The following SAMMSON variants were observed in gnomAD, a reference collection of about 807,000 sequenced individuals.
SAMMSON encodes the protein long intergenic non-protein coding RNA 1212.
At chr3:70,341,429 G>A (rs910568324) in intron 7 of SAMMSON, among the ~76,000 whole-genome samples, 8 of 152,140 alleles carry the variant, frequency 5.3e-5, no homozygotes. Flanking sequence ...CATAGTCTCA[G>A]TAAGCACAGG....
chr3:70,421,507 A>G (rs2106774588), intron 2 of SAMMSON, among the ~76,000 whole-genome samples: 1 of 152,268 alleles, frequency 6.6e-6, no homozygotes, highest in African/African-American at 2.4e-5. Flanking sequence ...TACAAATAAA[A>G]TCTAATCAGG....
chr3:70,262,303 G>A (rs757288685), intron 6 of SAMMSON, among the ~76,000 whole-genome samples: 8 of 152,096 alleles, frequency 5.3e-5, no homozygotes, highest in Non-Finnish European at 1.0e-4. Context: ...AGTTTCCAAG[G>A]AGCCAACGCA....
chr3:70,011,775 C>G (rs1438277988), intron 1 of SAMMSON, among the ~76,000 whole-genome samples: 1 of 151,942 alleles, frequency 6.6e-6, no homozygotes, highest in Non-Finnish European at 1.5e-5. Context: ...AACACAGGCT[C>G]TAAAACAAAT....
At chr3:70,049,898 C>T (rs115961564) in intron 3 of SAMMSON, among the ~76,000 whole-genome samples, 109 of 152,124 alleles carry the variant, frequency 7.2e-4, no homozygotes, top group African/African-American at 2.3e-3. Flanking sequence ...CAGCTGAAAA[C>T]GTGCAATGAC....
In SAMMSON at chr3:70,019,543, C is replaced by T. The variant is rs545379377; in HGVS notation, n.417+5871C>T. 3.3e-5 allele frequency among the ~76,000 whole-genome samples: 5 copies of T among 152,268 alleles called. No individual in the cohort carries two copies. In the South Asian group the frequency reaches 1.0e-3, roughly 32 times the overall value. On this transcript the variant is annotated intron_variant and non_coding_transcript_variant, in intron 3 of 9. Transcript: ENST00000642114. ...GGTCTTGACTCTTTATCCAATTGGC[C>T]AGTCTGTGTCTTTTAATTGGAGCAT...
At chr3:70,152,695 G>C (rs1227606036) in intron 4 of SAMMSON, among the ~76,000 whole-genome samples, 1 of 151,948 alleles carries the variant, frequency 6.6e-6, no homozygotes, top group Non-Finnish European at 1.5e-5. Context: ...AAGACAAAAA[G>C]CTATCAGTCT....
intron 4 of SAMMSON, among the ~76,000 whole-genome samples, chr3:70,113,705 C>T (rs573480403): frequency 3.9e-5 from 6 of 152,226 alleles, no homozygotes; most frequent in Non-Finnish European, 5.9e-5. Flanking sequence ...CCTTGACCAC[C>T]GCCCCAAACT....
intron 3 of SAMMSON, among the ~76,000 whole-genome samples, chr3:70,067,201 T>TTAAA (rs1309019716): frequency 2.2e-4 from 34 of 152,218 alleles, no homozygotes; most frequent in Admixed American, 1.3e-4. Context: ...TTCCTTACGG[T>TTAAA]ATTTTCCATT....
At chr3:70,328,081 AG>A (rs1408265787) in intron 7 of SAMMSON, among the ~76,000 whole-genome samples, 1 of 152,184 alleles carries the variant, frequency 6.6e-6, no homozygotes, top group Non-Finnish European at 1.5e-5. Flanking sequence ...GAGCTTGTGC[AG>A]GGAAACTCCC....
chr3:70,404,065 G>T (rs1416295195), intron 2 of SAMMSON, among the ~76,000 whole-genome samples: 2 of 152,118 alleles, frequency 1.3e-5, no homozygotes, highest in South Asian at 2.1e-4. Context: ...TTTAAAATGT[G>T]TTGTGAATAG....
At chr3:70,126,404 G>C in intron 4 of SAMMSON, 1 of 817,570 alleles carries the variant, frequency 1.2e-6, no homozygotes, top group South Asian at 1.4e-5. Context: ...AGGGAATGTG[G>C]CAAAAGCTGT....
At chr3:70,338,745 TAA>T (rs1325751612) in intron 7 of SAMMSON, among the ~76,000 whole-genome samples, 1 of 151,962 alleles carries the variant, frequency 6.6e-6, no homozygotes, top group Non-Finnish European at 1.5e-5. Flanking sequence ...CTCAAGGAAA[TAA>T]GAGAGGACAC....
chr3:70,233,178 C>CA (rs916372869), intron 4 of SAMMSON, among the ~76,000 whole-genome samples: 1 of 152,096 alleles, frequency 6.6e-6, no homozygotes, highest in Admixed American at 6.6e-5. Context: ...AACAGAGTCT[C>CA]AGAGTTTGGG....
chr3:70,372,217 A>G (rs532979509), intron 9 of SAMMSON, among the ~76,000 whole-genome samples: 1 of 152,172 alleles, frequency 6.6e-6, no homozygotes, highest in South Asian at 2.1e-4. Context: ...TTCTGCATCA[A>G]TTGATATGAT....
chr3:70,335,073 A>AC (rs1328172696), intron 7 of SAMMSON, among the ~76,000 whole-genome samples: 36 of 151,596 alleles, frequency 2.4e-4, no homozygotes, highest in South Asian at 6.3e-4. Context: ...GAAAAAAAAA[A>AC]AACAACTCTA....
chr3:70,323,167 G>C (rs904612937), intron 7 of SAMMSON, among the ~76,000 whole-genome samples: 1 of 152,106 alleles, frequency 6.6e-6, no homozygotes, highest in Admixed American at 6.6e-5. Context: ...TGCACAGGAC[G>C]TAAGAAGAAG....
intron 4 of SAMMSON, among the ~76,000 whole-genome samples, chr3:70,088,877 G>T (rs1406417531): frequency 3.3e-5 from 5 of 152,092 alleles, no homozygotes; most frequent in African/African-American, 1.2e-4. Flanking sequence ...CAAGATCTCA[G>T]ATCAGAGTTA....
At chr3:70,065,753 C>A (rs2107593253) in intron 3 of SAMMSON, among the ~76,000 whole-genome samples, 1 of 152,122 alleles carries the variant, frequency 6.6e-6, no homozygotes, top group South Asian at 2.1e-4. Flanking sequence ...AGCACAGCCA[C>A]CCCCACAACA....
At chr3:70,019,955 C>T (rs1228160590) in intron 3 of SAMMSON, among the ~76,000 whole-genome samples, 1 of 152,140 alleles carries the variant, frequency 6.6e-6, no homozygotes. Context: ...TCCCTGAATC[C>T]TCTCTGTGAA....
Sources: allele counts gnomAD v4.1 joint callset (sites outside exome capture counted in the v4.1 genomes callset), GRCh38; gene constraint gnomAD v4.1.1; transcripts MANE v1.5; gene names NCBI Gene and HGNC (gene_info 2026-07-23, HGNC 2026-07-21).